Variants in ZNF385D observed in about 807,000 individuals in gnomAD.
ZNF385D encodes the protein zinc finger protein 659.
Under a neutral mutation model 35.8 loss-of-function variants are expected in ZNF385D, and 15 were observed. The observed-to-expected ratio is 0.42, with a 90% CI of 0.28 to 0.64. The LOEUF is 0.64. ZNF385D is among the 30% of genes least tolerant of loss of function. ZNF385D has a pLI of 0.23. For synonymous variants in ZNF385D, 212 were observed against 186.8 expected (o/e 1.13, Z -1.10); for missense variants, 474 against 494.6 (o/e 0.96, Z 0.39).
At chr3:22,165,245 G>C (rs1159282477) in intron 3 of ZNF385D, among the ~76,000 whole-genome samples, 2 of 152,178 alleles carry the variant, frequency 1.3e-5, no homozygotes, top group Non-Finnish European at 1.5e-5. Context: ...GGAAGGCTGT[G>C]TGTGAAGGAG....
intron 2 of ZNF385D, among the ~76,000 whole-genome samples, chr3:22,336,979 G>A (rs939879954): frequency 8.0e-6 from 1 of 124,774 alleles, no homozygotes; most frequent in African/African-American, 3.0e-5. Context: ...TGCTCCCTTA[G>A]TGAACACCTC....
chr3:22,145,575 G>A (rs1576398193), intron 3 of ZNF385D, among the ~76,000 whole-genome samples: 1 of 152,124 alleles, frequency 6.6e-6, no homozygotes, highest in African/African-American at 2.4e-5. Flanking sequence ...CCAAATTTAT[G>A]TCTAAAGGAA....
At chr3:22,242,997 C>A (rs1461246663) in intron 2 of ZNF385D, among the ~76,000 whole-genome samples, 1 of 150,804 alleles carries the variant, frequency 6.6e-6, no homozygotes, top group East Asian at 2.0e-4. Context: ...TTAGATATAA[C>A]CCCAAAAGCA....
intron 3 of ZNF385D, among the ~76,000 whole-genome samples, chr3:21,854,098 CAAG>C: frequency 6.6e-6 from 1 of 151,890 alleles, no homozygotes; most frequent in African/African-American, 2.4e-5. Flanking sequence ...ATAAAATAAA[CAAG>C]AAAGATAGTA....
intron 2 of ZNF385D, among the ~76,000 whole-genome samples, chr3:22,224,961 G>T (rs1460903188): frequency 6.6e-6 from 1 of 152,042 alleles, no homozygotes; most frequent in African/African-American, 2.4e-5. Flanking sequence ...CATATAATCA[G>T]AACATCTGAT....
At chr3:22,001,854 T>C (rs968002164) in intron 3 of ZNF385D, among the ~76,000 whole-genome samples, 4 of 151,736 alleles carry the variant, frequency 2.6e-5, no homozygotes, top group African/African-American at 9.7e-5. Flanking sequence ...GACTACTGTA[T>C]CAAAAAAGAA....
Position 21,751,152 on chromosome 3 carries a change from C to T in ZNF385D, c.-236G>A, listed in dbSNP as rs903600168. ...TCGGGCTGCCTGCTGCACTGCCCAT[C>T]CTTACTGTAATCCGACTCCTCCTTG... On this transcript the variant is annotated 5_prime_UTR_variant, in exon 1 of 8. Transcript: ENST00000281523. The T allele has an allele frequency of 7.0e-7, 1 of 1,433,708 alleles. No homozygotes were observed. Among genetic ancestry groups the T allele is most frequent in the Non-Finnish European group, 9.1e-7 (1 of 1,095,792 alleles). 88.8% of individuals were successfully genotyped at this position (1,433,708 alleles called of 1,614,324 possible).
At chr3:22,356,364 CT>C (rs555733984) in intron 2 of ZNF385D, among the ~76,000 whole-genome samples, 41 of 152,020 alleles carry the variant, frequency 2.7e-4, no homozygotes, top group African/African-American at 9.6e-4. Context: ...TGTATGATTT[CT>C]CTTTTACTAT....
At chr3:21,841,877 T>C (rs1332871555) in intron 3 of ZNF385D, among the ~76,000 whole-genome samples, 2 of 151,600 alleles carry the variant, frequency 1.3e-5, no homozygotes, top group African/African-American at 4.8e-5. Flanking sequence ...TTTCTATTCT[T>C]TCTCTAACAA....
At chr3:21,453,436 T>C (rs1702592886) in intron 4 of ZNF385D, among the ~76,000 whole-genome samples, 1 of 151,964 alleles carries the variant, frequency 6.6e-6, no homozygotes, top group Non-Finnish European at 1.5e-5. Context: ...AAACAATCCA[T>C]TAAATGGGAG....
chr3:21,696,950 A>T (rs1488724839), intron 1 of ZNF385D, among the ~76,000 whole-genome samples: 1 of 152,222 alleles, frequency 6.6e-6, no homozygotes, highest in African/African-American at 2.4e-5. Flanking sequence ...TATTATTTAA[A>T]AGAAAGGAAA....
chr3:21,744,906 G>T (rs1193090575), intron 1 of ZNF385D, among the ~76,000 whole-genome samples: 9 of 152,050 alleles, frequency 5.9e-5, no homozygotes, highest in Admixed American at 2.0e-4. Flanking sequence ...AAAAGGGACT[G>T]TTTCTCTTGT....
At chr3:21,541,337 T>C (rs556922411) in intron 3 of ZNF385D, among the ~76,000 whole-genome samples, 28 of 152,326 alleles carry the variant, frequency 1.8e-4, no homozygotes, top group Admixed American at 1.6e-3. Flanking sequence ...GAAATCTCTG[T>C]ACCTTCTGCT....
intron 3 of ZNF385D, among the ~76,000 whole-genome samples, chr3:22,113,614 G>C (rs1702652174): frequency 6.6e-6 from 1 of 152,076 alleles, no homozygotes; most frequent in Non-Finnish European, 1.5e-5. Context: ...ACAATGAGCA[G>C]CACAGCAACC....
At chr3:21,581,781 A>T (rs908243881) in intron 2 of ZNF385D, among the ~76,000 whole-genome samples, 3 of 152,172 alleles carry the variant, frequency 2.0e-5, no homozygotes, top group African/African-American at 7.2e-5. Context: ...ATGCTTACCA[A>T]GTATTTTAGC....
chr3:21,814,042 A>G (rs969349549), intron 3 of ZNF385D, among the ~76,000 whole-genome samples: 1 of 152,318 alleles, frequency 6.6e-6, no homozygotes, highest in South Asian at 2.1e-4. Context: ...AGTGGGGGCC[A>G]ATATTCAACA....
At chr3:21,451,053 C>T (rs141062953) in intron 4 of ZNF385D, among the ~76,000 whole-genome samples, 1 of 152,100 alleles carries the variant, frequency 6.6e-6, no homozygotes, top group Non-Finnish European at 1.5e-5. Flanking sequence ...AAGTAAGAGA[C>T]ACATGTCTTA....
At position 22,164,216 on chromosome 3, in the gene ZNF385D, C is replaced by CTTTTTTTTTT. The variant is rs571978176; in HGVS notation, c.325+4591_325+4600dup. 6.0e-4 allele frequency among the ~76,000 whole-genome samples: 45 copies of CTTTTTTTTTT among 74,946 alleles called. 2 individuals carry two copies. The highest frequency in any genetic ancestry group is 1.8e-3 in the African/African-American group (35 of 19,876). 49.2% of individuals were successfully genotyped at this position (74,946 alleles called of 152,430 possible). On this transcript the variant is annotated intron_variant, in intron 3 of 5. Transcript: ENST00000494108. ...CACTATAGGTAATACAAAAGGAGCACTTTTTTTTTTTTTTTTTTTTTTTTT... is the reference window on the plus strand; with the variant it reads ...CACTATAGGTAATACAAAAGGAGCACTTTTTTTTTTTTTTTTTTTTTTTTTTTTTTTTTTT...
chr3:21,601,986 C>T (rs950079564), intron 2 of ZNF385D, among the ~76,000 whole-genome samples: 4 of 152,108 alleles, frequency 2.6e-5, no homozygotes, highest in South Asian at 2.1e-4. Flanking sequence ...TGAAGAAATA[C>T]CCGAGACTGG....
Sources: allele counts gnomAD v4.1 joint callset (sites outside exome capture counted in the v4.1 genomes callset), GRCh38; gene constraint gnomAD v4.1.1; transcripts MANE v1.5; gene names NCBI Gene and HGNC (gene_info 2026-07-23, HGNC 2026-07-21).